Variants in AOX1 observed in about 807,000 individuals in gnomAD.
AOX1 encodes the protein aldehyde oxidase 1.
AOX1 carries 153 observed loss-of-function variants against 169.5 expected under a neutral mutation model. That is an observed-to-expected ratio of 0.90 (90% CI 0.79 to 1.03). The LOEUF (loss-of-function observed/expected upper bound fraction) is 1.03, where lower values mean the gene tolerates loss of function less well. Among genes scored for constraint, AOX1 ranks in the 50% least tolerant of loss-of-function variants. The probability of loss-of-function intolerance (pLI) is 0.00; values close to 1 mark genes in which losing one functional copy is unlikely to be tolerated. For synonymous variants in AOX1, 562 were observed against 581.9 expected, an observed-to-expected ratio of 0.97 and a Z score of 0.49; for missense variants, 1,656 against 1,663.9, an observed-to-expected ratio of 1.00 and a Z score of 0.08.
At chr2:200,661,336 T>C (rs1225733962) in intron 29 of AOX1, among the ~76,000 whole-genome samples, 7 of 152,218 alleles carry the variant, frequency 4.6e-5, no homozygotes. Flanking sequence ...CATATGTTGA[T>C]GACTTTAGTC....
intron 5 of AOX1, among the ~76,000 whole-genome samples, chr2:200,600,592 C>T (rs1404772108): frequency 4.6e-5 from 7 of 152,000 alleles, no homozygotes; most frequent in Non-Finnish European, 8.8e-5. Context: ...TCAGGCCTCC[C>T]GAAGACCTCA....
rs573240438 is a variant in AOX1 at position 200,601,595 on chromosome 2, A to G, written c.437-689A>G. Reference sequence around the variant, plus strand: ...TTCACCAAGTTGTACAGCTTTTTGCATGTCAATAACAGCTCAGTAAAATGG... The same window carrying G: ...TTCACCAAGTTGTACAGCTTTTTGCGTGTCAATAACAGCTCAGTAAAATGG... On this transcript the variant is annotated intron_variant, in intron 5 of 34. Transcript: ENST00000374700. 5.3e-5 allele frequency among the ~76,000 whole-genome samples: 8 copies of G among 152,090 alleles called. No homozygotes were observed. The East Asian group carries it at 1.4e-3, about 26-fold the overall frequency.
At chr2:200,631,293 T>G (rs893798498) in intron 20 of AOX1, among the ~76,000 whole-genome samples, 1 of 152,232 alleles carries the variant, frequency 6.6e-6, no homozygotes, top group Non-Finnish European at 1.5e-5. Context: ...GTTAGTATTC[T>G]TTCCTCTACA....
chr2:200,586,605 G>A (rs1303668711), intron 1 of AOX1, among the ~76,000 whole-genome samples: 3 of 152,218 alleles, frequency 2.0e-5, no homozygotes, highest in Non-Finnish European at 4.4e-5. Context: ...GAAGCGCAGA[G>A]AGCAACTTAG....
In AOX1 at chr2:200,605,692, G is replaced by C. The variant is rs891286791; in HGVS notation, c.907+64G>C. ...TTAATCAATTTATTTACCTTGCCCA[G>C]CAGACAAGCAGAAAAAGAATGATTC... is the stretch of plus-strand genomic sequence containing the variant. On this transcript the variant is annotated intron_variant, in intron 10 of 34. Transcript: ENST00000374700. 9 of 684,410 alleles carry C rather than the reference G, an allele frequency of 1.3e-5. No homozygotes were observed. The African/African-American group carries it at 1.7e-4, about 13-fold the overall frequency. 42.4% of individuals were successfully genotyped at this position (684,410 alleles called of 1,614,324 possible). A position where few individuals can be genotyped will look rare whatever the true frequency, so the allele number is the denominator to read the frequency against.
chr2:200,677,018 A>G (rs2036109679), exon 5 of AOX1: 1 of 436,262 alleles, frequency 2.3e-6, no homozygotes, highest in African/African-American at 2.1e-5. Context: ...TGAATGGAAG[A>G]ACAGTAAGTT....
intron 26 of AOX1, 33 bp from the exon 27 acceptor site, chr2:200,656,809 A>G: frequency 7.1e-7 from 1 of 1,416,378 alleles, no homozygotes; most frequent in East Asian, 2.6e-5. Flanking sequence ...TATCAAAAAG[A>G]TCACAGAAAC....
At position 200,658,000 on chromosome 2, in the gene AOX1, A is replaced by C. The variant is rs928512065; in HGVS notation, c.3171+1063A>C. ...TCTCCTGTCATTAAGCAGTCTTTAC[A>C]ATCATGAATTGTATGTGGCTGCATG... On this transcript the variant is annotated intron_variant, in intron 27 of 34. Coordinates refer to ENST00000374700, the MANE Select transcript of AOX1 (RefSeq NM_001159.4). Among the ~76,000 whole-genome samples the C allele has an allele frequency of 2.7e-4, 41 of 152,206 alleles. 1 individual carries two copies. The highest frequency in any genetic ancestry group is 9.7e-4 in the African/African-American group (40 of 41,448).
chr2:200,666,836 T>C, intron 32 of AOX1, 84 bp downstream of exon 32: 1 of 889,636 alleles, frequency 1.1e-6, no homozygotes, highest in Non-Finnish European at 1.8e-6. Flanking sequence ...CCATCAGTCT[T>C]ATTCATCATC....
downstream of AOX1, among the ~76,000 whole-genome samples, chr2:200,680,926 CCA>C (rs2036147524): frequency 6.6e-6 from 1 of 152,134 alleles, no homozygotes; most frequent in South Asian, 2.1e-4. Flanking sequence ...GAAGAAAACG[CCA>C]GTTACCCTCC....
intron 25 of AOX1, among the ~76,000 whole-genome samples, chr2:200,646,949 A>G (rs539134684): frequency 7.8e-4 from 119 of 152,260 alleles, no homozygotes; most frequent in African/African-American, 2.8e-3. Flanking sequence ...TTAAGTTTAT[A>G]TGAGTCCTTA....
chr2:200,662,848 C>G lies in AOX1; in HGVS notation c.3429-7C>G. ...GATCACTTAACAACACTCACTGTTT[C>G]TTCCAGAGGTTATGAGTCAGACATG... On this transcript the variant is annotated splice_polypyrimidine_tract_variant and splice_region_variant and intron_variant, in intron 30 of 34. Coordinates refer to ENST00000374700, the MANE Select transcript of AOX1 (RefSeq NM_001159.4). 2 of 1,612,276 alleles carry G rather than the reference C, an allele frequency of 1.2e-6. No homozygotes were observed. The highest frequency in any genetic ancestry group is 1.7e-6 in the Non-Finnish European group (2 of 1,178,350).
intron 6 of AOX1, among the ~76,000 whole-genome samples, chr2:200,603,023 C>T (rs1020572960): frequency 2.6e-5 from 4 of 151,982 alleles, no homozygotes; most frequent in Non-Finnish European, 5.9e-5. Context: ...ATGCTATGTG[C>T]CACGCTTAGT....
intron 26 of AOX1, among the ~76,000 whole-genome samples, chr2:200,652,874 G>C (rs2035607770): frequency 6.6e-6 from 1 of 152,142 alleles, no homozygotes; most frequent in African/African-American, 2.4e-5. Flanking sequence ...AAACCAGCCT[G>C]AGCAACATAG....
intron 14 of AOX1, among the ~76,000 whole-genome samples, chr2:200,613,102 A>G (rs1399343016): frequency 6.6e-6 from 1 of 151,936 alleles, no homozygotes; most frequent in Non-Finnish European, 1.5e-5. Context: ...TTATTTTGGG[A>G]GAATAATTTG....
At chr2:200,649,481 C>T (rs2035535546) in intron 25 of AOX1, among the ~76,000 whole-genome samples, 1 of 152,152 alleles carries the variant, frequency 6.6e-6, no homozygotes, top group African/African-American at 2.4e-5. Context: ...AGGAGTAGTC[C>T]ACTTCCTTCA....
chr2:200,668,764 G>C lies in AOX1; in HGVS notation c.3759G>C (p.Leu1253Phe), dbSNP rs1473509150. The C allele has an allele frequency of 6.2e-7, 1 of 1,614,010 alleles. No individual in the cohort carries two copies. The highest frequency in any genetic ancestry group is 8.5e-7 in the Non-Finnish European group (1 of 1,180,006). ...CCACGGAGTTGCACATTGCTTTGTT[G>C]CCTCCTTCTCAAAACTCAAATACTC... ...DMPTELHIAL[L>F]PPSQNSNTLY... is the part of the protein sequence containing the mutation. Residue 1253 changes from leucine (L) to phenylalanine (F), a missense_variant, in exon 33 of 35, where the codon TTG (leucine) becomes TTC (phenylalanine). Transcript: ENST00000374700.
intron 20 of AOX1, among the ~76,000 whole-genome samples, chr2:200,629,007 G>A (rs887092825): frequency 6.6e-6 from 1 of 152,166 alleles, no homozygotes; most frequent in East Asian, 1.9e-4. Flanking sequence ...CACAAGAATA[G>A]GAAGAGTCCT....
chr2:200,638,725 T>C (rs1308432353), intron 23 of AOX1, among the ~76,000 whole-genome samples: 10 of 152,232 alleles, frequency 6.6e-5, no homozygotes, highest in Non-Finnish European at 8.8e-5. Context: ...ATCAAGGATA[T>C]TTTTGTAAAA....
Sources: gnomAD v4.1 joint callset for allele counts (sites outside exome capture counted in the v4.1 genomes callset) on GRCh38, gnomAD v4.1.1 for gene constraint, MANE v1.5 for transcripts, NCBI Gene and HGNC (gene_info 2026-07-23, HGNC 2026-07-21) for gene names.